VBP1: variants seen among roughly 807,000 people sequenced by gnomAD.
VBP1 encodes the protein prefoldin subunit 3.
VBP1 carries 4 observed loss-of-function variants against 15.5 expected under a neutral mutation model. The ratio of observed to expected loss-of-function variants is 0.26; its 90% CI spans 0.13 to 0.59. The LOEUF is 0.59. VBP1 is among the 20% of genes least tolerant of loss of function. The probability of loss-of-function intolerance (pLI) is 0.90; values close to 1 mark genes in which losing one functional copy is unlikely to be tolerated. For synonymous variants in VBP1, 61 were observed against 52.1 expected (o/e 1.17, Z -0.74); for missense variants, 108 against 139.6 (o/e 0.77, Z 1.14).
Position 155,224,539 on chromosome X carries a change from C to T in VBP1, c.219-2696C>T, listed in dbSNP as rs781903800. ...ATCAGTCAGGGAGGTTGCAGTGAGT[C>T]GAGATGGCGGCAGTACAGTCCAGCC... On this transcript the variant is annotated intron_variant, in intron 2 of 5. Coordinates refer to ENST00000286428, the MANE Select transcript of VBP1 (RefSeq NM_003372.7). 1.4e-4 allele frequency among the ~76,000 whole-genome samples: 16 copies of T among 111,800 alleles called. No homozygotes were observed. The East Asian group carries it at 2.5e-3, about 18-fold the overall frequency.
intron 2 of VBP1, among the ~76,000 whole-genome samples, chrX:155,223,110 C>CTTT (rs202157365): frequency 1.4e-5 from 1 of 70,827 alleles, no homozygotes; most frequent in Non-Finnish European, 2.7e-5. Flanking sequence ...ACATGCTAGC[C>CTTT]TTTTTGTTTT....
At chrX:155,223,152 A>T (rs1602884553) in intron 2 of VBP1, among the ~76,000 whole-genome samples, 4 of 58,147 alleles carry the variant, frequency 6.9e-5, no homozygotes, top group African/African-American at 2.2e-4. Context: ...TATTTTATTT[A>T]GGATTTTTGA....
At chrX:155,234,136 T>G (rs1557311225) in intron 4 of VBP1, among the ~76,000 whole-genome samples, 3 of 79,613 alleles carry the variant, frequency 3.8e-5, no homozygotes, top group Admixed American at 1.4e-4. Context: ...TTTTTTTTTT[T>G]TTGAGACAGA....
chrX:155,202,803 C>A (rs1409050514), intron 1 of VBP1, among the ~76,000 whole-genome samples: 1 of 109,384 alleles, frequency 9.1e-6, no homozygotes, highest in African/African-American at 3.3e-5. Context: ...AAAGAAACTA[C>A]CATCAGAGTG....
intron 2 of VBP1, among the ~76,000 whole-genome samples, chrX:155,224,798 G>T (rs917174919): frequency 9.0e-6 from 1 of 111,366 alleles, no homozygotes; most frequent in Non-Finnish European, 1.9e-5. Flanking sequence ...TTTTTCTATC[G>T]TCTGTTAATT....
intron 2 of VBP1, chrX:155,209,099 C>T: frequency 1.6e-6 from 1 of 644,260 alleles, no homozygotes; most frequent in East Asian, 3.6e-5. Flanking sequence ...GTTGGTCTCT[C>T]ATAGAAGAAA....
intron 1 of VBP1, among the ~76,000 whole-genome samples, chrX:155,200,619 G>T (rs781817789): frequency 8.4e-5 from 9 of 107,156 alleles, no homozygotes; most frequent in South Asian, 4.4e-4. Flanking sequence ...AGTGTGTAGA[G>T]GGAAATTTAT....
chrX:155,231,971 G>C (rs2074749183), intron 4 of VBP1, among the ~76,000 whole-genome samples: 1 of 111,869 alleles, frequency 8.9e-6, no homozygotes, highest in African/African-American at 3.2e-5. Context: ...GTGTCTAAGA[G>C]TATGCACATT....
intron 5 of VBP1, among the ~76,000 whole-genome samples, chrX:155,237,097 G>C (rs1459760816): frequency 1.8e-5 from 2 of 112,105 alleles, no homozygotes; most frequent in African/African-American, 6.5e-5. Context: ...TAAAAGTTAG[G>C]CTGCTTTTTT....
chrX:155,234,241 C>T (rs1328710372), intron 4 of VBP1, among the ~76,000 whole-genome samples: 4 of 106,570 alleles, frequency 3.8e-5, no homozygotes, highest in Non-Finnish European at 5.8e-5. Context: ...CTCCTTCAGC[C>T]TCCTGAGTAG....
chrX:155,216,551 G>T lies in VBP1; in HGVS notation c.69G>T (p.Leu23=). 1.7e-6 allele frequency: 2 copies of T among 1,170,063 alleles called. No individual in the cohort carries two copies. Among genetic ancestry groups the T allele is most frequent in the Non-Finnish European group, 2.3e-6 (2 of 873,897 alleles). The change falls in exon 1 of 6, where the codon CTG becomes CTT. Residue 23 remains leucine (L), a synonymous_variant. Transcript: ENST00000286428. The stretch of plus-strand genomic sequence containing the variant: ...CAGGGAATGGGCGGCGGCTCCACCT[G>T]GGGATTCCTGAGGCCGTGTTTGTGG... The part of the protein sequence containing the change: ...MATGNGRRLH[L]GIPEAVFVED...
At chrX:155,235,374 A>G (rs1423503711) in intron 4 of VBP1, among the ~76,000 whole-genome samples, 9 of 111,733 alleles carry the variant, frequency 8.1e-5, no homozygotes, top group African/African-American at 9.8e-5. Flanking sequence ...CTTTGTGCCA[A>G]ATACTTTCAT....
At chrX:155,225,600 A>G (rs1034070406) in intron 2 of VBP1, among the ~76,000 whole-genome samples, 8 of 112,020 alleles carry the variant, frequency 7.1e-5, no homozygotes, top group African/African-American at 2.6e-4. Flanking sequence ...CTAGGGCTGC[A>G]TCTGATTGAT....
At chrX:155,211,368 CAAT>C (rs2074644391) in intron 2 of VBP1, among the ~76,000 whole-genome samples, 1 of 111,882 alleles carries the variant, frequency 8.9e-6, no homozygotes, top group Non-Finnish European at 1.9e-5. Context: ...TTCACACAGT[CAAT>C]AAATAATGAT....
intron 5 of VBP1, among the ~76,000 whole-genome samples, chrX:155,237,787 AGT>A (rs1557311783): frequency 8.9e-6 from 1 of 112,296 alleles, no homozygotes; most frequent in East Asian, 2.8e-4. Context: ...TGATCCTCAG[AGT>A]GTTTCTTGTG....
intron 2 of VBP1, among the ~76,000 whole-genome samples, chrX:155,220,718 A>G (rs2074685299): frequency 8.9e-6 from 1 of 111,995 alleles, no homozygotes; most frequent in Non-Finnish European, 1.9e-5. Flanking sequence ...CCTTACTCTC[A>G]ACTCTTTATT....
At chrX:155,200,206 A>G (rs1433208226) in intron 1 of VBP1, among the ~76,000 whole-genome samples, 3 of 107,218 alleles carry the variant, frequency 2.8e-5, no homozygotes, top group African/African-American at 1.0e-4. Context: ...TCAACGAGAC[A>G]GAAAGTTAAC....
chrX:155,214,678 A>G (rs2074655731), upstream of VBP1, among the ~76,000 whole-genome samples: 1 of 110,794 alleles, frequency 9.0e-6, no homozygotes, highest in Non-Finnish European at 1.9e-5. Flanking sequence ...GGTGTGGGCT[A>G]CTGAAGGGTT....
intron 4 of VBP1, 78 bp downstream of exon 4, chrX:155,228,560 G>C (rs1557310514): frequency 1.3e-6 from 1 of 779,641 alleles, no homozygotes; most frequent in East Asian, 3.3e-5. Context: ...GGTTTTGCTA[G>C]TATTTGCTAG....
Sources: allele counts gnomAD v4.1 joint callset (sites outside exome capture counted in the v4.1 genomes callset), GRCh38; gene constraint gnomAD v4.1.1; transcripts MANE v1.5; gene names NCBI Gene and HGNC (gene_info 2026-07-23, HGNC 2026-07-21).